TJP2: variants seen among roughly 807,000 people sequenced by gnomAD.
TJP2 encodes Friedreich ataxia region gene X104 (tight junction protein ZO-2).
In TJP2, 91 loss-of-function variants were observed where a neutral mutation model predicts 133.1. The ratio of observed to expected loss-of-function variants is 0.68; its 90% confidence interval spans 0.58 to 0.81. The LOEUF is 0.81. Ranked by LOEUF, TJP2 falls within the 40% of genes least tolerant of loss-of-function variation. The pLI is 0.00. For synonymous variants in TJP2, 592 were observed against 583.4 expected, an observed-to-expected ratio of 1.01 and a Z score of -0.21; for missense variants, 1,541 against 1,565.6, an observed-to-expected ratio of 0.98 and a Z score of 0.26.
intron 2 of TJP2, among the ~76,000 whole-genome samples, chr9:69,152,384 A>C (rs761295596): frequency 6.6e-6 from 1 of 152,184 alleles, no homozygotes; most frequent in Non-Finnish European, 1.5e-5. Context: ...TTTATAGGCC[A>C]GGCCATGGCT....
chr9:69,213,612 A>G (rs540167347), intron 2 of TJP2, among the ~76,000 whole-genome samples: 3 of 152,366 alleles, frequency 2.0e-5, no homozygotes, highest in East Asian at 3.9e-4. Flanking sequence ...GTAGAAAAAA[A>G]TGTCTCTGGG....
At position 69,125,474 on chromosome 9, in the gene TJP2, T is replaced by G. The variant is rs1342618128; in HGVS notation, c.-131+3749T>G. 2.7e-5 allele frequency among the ~76,000 whole-genome samples: 2 copies of G among 73,536 alleles called. 1 individual carries two copies. Among genetic ancestry groups the G allele is most frequent in the East Asian group, 8.2e-4 (2 of 2,446 alleles). 48.2% of individuals were successfully genotyped at this position (73,536 alleles called of 152,430 possible). ...GGCATGCACCACAATGCCCAGCTAA[T>G]TTTTAGTAGAGACGGGATTTGTCCA... On this transcript the variant is annotated intron_variant, in intron 1 of 5. Transcript: ENST00000423935.
chr9:69,146,035 A>G (rs1823197015), intron 1 of TJP2, among the ~76,000 whole-genome samples: 1 of 152,228 alleles, frequency 6.6e-6, no homozygotes, highest in Admixed American at 6.5e-5. Context: ...CAAGAAGATG[A>G]ATAATGGGTG....
intron 1 of TJP2, among the ~76,000 whole-genome samples, chr9:69,180,524 C>T (rs778692065): frequency 2.0e-5 from 3 of 152,092 alleles, no homozygotes; most frequent in Non-Finnish European, 4.4e-5. Flanking sequence ...GTTCCGAGTT[C>T]TAGGTTGTGT....
Position 69,230,250 on chromosome 9 carries a change from C to G in TJP2, c.1671+18C>G, listed in dbSNP as rs755135859. ...TTCTGAAGGTAAGAACAGCCCAGCT[C>G]TGTTTCTAGAAGTTACTTGTAAGGA... On this transcript the variant is annotated intron_variant, in intron 11 of 22. Coordinates refer to ENST00000377245, the MANE Select transcript of TJP2 (RefSeq NM_004817.4). The G allele has an allele frequency of 4.3e-6, 7 of 1,613,914 alleles. No homozygotes were observed. The South Asian group carries it at 4.4e-5, about 10-fold the overall frequency.
At chr9:69,238,368 T>G (rs12004431) in intron 15 of TJP2, among the ~76,000 whole-genome samples, 1 of 152,198 alleles carries the variant, frequency 6.6e-6, no homozygotes, top group African/African-American at 2.4e-5. Flanking sequence ...AGCTTTTTTT[T>G]AAATTCAGAA....
At chr9:69,237,256 T>A in intron 14 of TJP2, 120 bp downstream of exon 14, 1 of 1,226,970 alleles carries the variant, frequency 8.2e-7, no homozygotes, top group Admixed American at 1.8e-5. Context: ...AAAGGCAGTT[T>A]ATAGAGTTGA....
Position 69,165,826 on chromosome 9 carries a change from G to C in TJP2, c.-10+14055G>C, listed in dbSNP as rs1824321790. Among the ~76,000 whole-genome samples the C allele has an allele frequency of 2.0e-5, 3 of 152,172 alleles. No individual in the cohort carries two copies. The South Asian group carries it at 6.2e-4, about 31-fold the overall frequency. Reference sequence around the variant, plus strand: ...TCCATGTTGCAAAGCACGCTCCCCAGCAGGTATGTCTAAACTAGAACGTGT... The same window carrying C: ...TCCATGTTGCAAAGCACGCTCCCCACCAGGTATGTCTAAACTAGAACGTGT... On this transcript the variant is annotated intron_variant, in intron 2 of 5. Coordinates refer to the TJP2 transcript ENST00000423935.
At chr9:69,184,752 C>CT (rs564424748) in intron 1 of TJP2, among the ~76,000 whole-genome samples, 62,271 of 125,856 alleles carry the variant, frequency 0.49, 16,516 homozygotes, top group East Asian at 0.62. Context: ...TCTCTCTCTT[C>CT]TTTTTTTTTT....
chr9:69,184,924 A>G (rs974614596), intron 1 of TJP2, among the ~76,000 whole-genome samples: 1 of 151,662 alleles, frequency 6.6e-6, no homozygotes, highest in African/African-American at 2.4e-5. Flanking sequence ...TAATTTTTAA[A>G]TATTTTGTAG....
chr9:69,173,844 G>C (rs999082098), upstream of TJP2, among the ~76,000 whole-genome samples: 3 of 152,200 alleles, frequency 2.0e-5, no homozygotes, highest in African/African-American at 7.2e-5. Context: ...GGCCAGCAGC[G>C]CCCGGAGCTC....
In TJP2 at chr9:69,237,288, A is replaced by G. The variant is rs12553945; in HGVS notation, c.2179+152A>G. 0.055 allele frequency: 53,968 copies of G among 983,778 alleles called. 1,864 individuals are homozygous for G. Among genetic ancestry groups the G allele is most frequent in the Middle Eastern group, 0.11 (355 of 3,180 alleles). The allele number at this position is 983,778 out of a possible 1,614,324, so 60.9% of individuals were successfully genotyped here. The stretch of plus-strand genomic sequence containing the variant: ...TTGAAATCAAATTCTAACAAGGAGC[A>G]TGATTTATAAAAAGCTGTTTCAGTT... On this transcript the variant is annotated intron_variant, in intron 14 of 22. Coordinates refer to ENST00000377245, the MANE Select transcript of TJP2 (RefSeq NM_004817.4).
At chr9:69,248,513 C>G (rs1831094461) in intron 19 of TJP2, 3 of 1,293,614 alleles carry the variant, frequency 2.3e-6, no homozygotes, top group South Asian at 6.3e-5. Context: ...GTCCAAATTA[C>G]CAGCGGAACC....
chr9:69,176,863 G>C (rs1825129529), intron 1 of TJP2, among the ~76,000 whole-genome samples: 1 of 152,114 alleles, frequency 6.6e-6, no homozygotes, highest in African/African-American at 2.4e-5. Flanking sequence ...ATTGAAACTA[G>C]GCGGGGCCAC....
intron 11 of TJP2, among the ~76,000 whole-genome samples, chr9:69,233,063 A>G (rs944181200): frequency 6.6e-6 from 1 of 152,244 alleles, no homozygotes; most frequent in Non-Finnish European, 1.5e-5. Context: ...AGATGTAGAT[A>G]AACAAATGGC....
rs185718384 is a variant in TJP2 at position 69,250,384 on chromosome 9, G to A, written c.2992-651G>A. Among the ~76,000 whole-genome samples the A allele has an allele frequency of 3.3e-3, 510 of 152,318 alleles. 3 individuals are homozygous for A. Among genetic ancestry groups the A allele is most frequent in the African/African-American group, 0.012 (487 of 41,558 alleles). On this transcript the variant is annotated intron_variant, in intron 20 of 22. Transcript: ENST00000377245. ...CTCCCACAGTGCTGGGATTACAGGC[G>A]TGAGCCACTGCGCCCAGCCTAACTC...
At chr9:69,167,102 G>A (rs926449631) in intron 2 of TJP2, among the ~76,000 whole-genome samples, 4 of 151,916 alleles carry the variant, frequency 2.6e-5, no homozygotes, top group African/African-American at 7.2e-5. Context: ...TTAGCTGGGC[G>A]TGGTGGCACA....
intron 2 of TJP2, among the ~76,000 whole-genome samples, chr9:69,162,396 T>TCTTA (rs1824126647): frequency 6.6e-6 from 1 of 152,128 alleles, no homozygotes; most frequent in African/African-American, 2.4e-5. Context: ...ATCTTACATG[T>TCTTA]CTTACAACTT....
intron 2 of TJP2, among the ~76,000 whole-genome samples, chr9:69,155,907 T>A (rs376415348): frequency 1.3e-5 from 2 of 152,320 alleles, no homozygotes; most frequent in East Asian, 3.9e-4. Flanking sequence ...AGTTATTGGC[T>A]ATGTGCACTT....
Sources: allele counts gnomAD v4.1 joint callset (sites outside exome capture counted in the v4.1 genomes callset), GRCh38; gene constraint gnomAD v4.1.1; transcripts MANE v1.5; gene names NCBI Gene and HGNC (gene_info 2026-07-23, HGNC 2026-07-21).